The following PCYT1A variants were observed in gnomAD, a reference collection of about 807,000 sequenced individuals.
PCYT1A encodes phosphate cytidylyltransferase 1A, choline.
PCYT1A carries 25 observed loss-of-function variants against 43.7 expected under a neutral mutation model. The observed-to-expected ratio is 0.57, with a 90% CI of 0.42 to 0.80. PCYT1A has a LOEUF of 0.80. Among genes scored for constraint, PCYT1A ranks in the 30% least tolerant of loss-of-function variants. The pLI is 0.00. For missense variants in PCYT1A, 421 were observed against 474.2 expected, an observed-to-expected ratio of 0.89 and a Z score of 1.04; for synonymous variants, 172 against 170.7, an observed-to-expected ratio of 1.01 and a Z score of -0.06.
Position 196,238,397 on chromosome 3 carries a change from A to G in PCYT1A, c.*291T>C, listed in dbSNP as rs948279615. 7.0e-5 allele frequency: 19 copies of G among 271,178 alleles called. No individual in the cohort carries two copies. Among genetic ancestry groups the G allele is most frequent in the Admixed American group, 2.7e-4 (5 of 18,842 alleles). The allele number at this position is 271,178 out of a possible 1,614,324, so 16.8% of individuals were successfully genotyped here. On this transcript the variant is annotated 3_prime_UTR_variant, in exon 9 of 9. Transcript: ENST00000431016. ...TTTTAAAAAATTAATGAAAATGACA[A>G]TTTCCCTGTTGAGATCACGTGAACA... is the stretch of plus-strand genomic sequence containing the variant.
chr3:196,275,687 C>T (rs989407858), intron 1 of PCYT1A, among the ~76,000 whole-genome samples: 3 of 151,308 alleles, frequency 2.0e-5, no homozygotes, highest in African/African-American at 4.9e-5. Context: ...GAGCTGAGAT[C>T]GCACCACTGC....
Position 196,238,702 on chromosome 3 carries a change from C to A in PCYT1A, c.1090G>T (p.Asp364Tyr). ...GGGAGGAAACATTAGTCTTCTTCAT[C>A]CTCACTGATATCATAGGCTGCAGCC... The part of the protein sequence containing the change: ...HKAAAYDISE[D>Y]EED The change falls in exon 9 of 9, where the codon GAT becomes TAT. Residue 364 changes from aspartate (D) to tyrosine (Y), a missense_variant. Physicochemically the swap from Asp to Tyr is radical, Grantham distance 160. Coordinates refer to ENST00000431016, the MANE Select transcript of PCYT1A (RefSeq NM_001312673.2). 1 of 1,554,582 alleles carries A rather than the reference C, an allele frequency of 6.4e-7. No individual in the cohort carries two copies. The highest frequency in any genetic ancestry group is 8.7e-7 in the Non-Finnish European group (1 of 1,150,834).
At position 196,242,152 on chromosome 3, in the gene PCYT1A, T is replaced by A. The variant is rs1724377819; in HGVS notation, c.566-62A>T. On this transcript the variant is annotated intron_variant, in intron 6 of 8. Coordinates refer to ENST00000431016, the MANE Select transcript of PCYT1A (RefSeq NM_001312673.2). This position sits in a 1 kb window ranked among gnomAD's most constrained non-coding sequence, Gnocchi z 4.2. ...TTCTGGTTAGCTCAGGTATTAAGAC[T>A]AAATGGAAATTGGGGGCAACATTCC... 24 of 1,534,784 alleles carry A rather than the reference T, an allele frequency of 1.6e-5. No homozygotes were observed. Among genetic ancestry groups the A allele is most frequent in the Non-Finnish European group, 2.1e-5 (23 of 1,113,034 alleles).
chr3:196,276,323 G>C (rs577508318), intron 1 of PCYT1A, among the ~76,000 whole-genome samples: 2 of 151,772 alleles, frequency 1.3e-5, no homozygotes, highest in Non-Finnish European at 2.9e-5. Context: ...AAAATTAAAG[G>C]CCAGGCACAA....
chr3:196,264,641 G>A (rs934937501), intron 2 of PCYT1A, among the ~76,000 whole-genome samples: 6 of 152,146 alleles, frequency 3.9e-5, no homozygotes, highest in African/African-American at 1.4e-4. Context: ...AGATTGGGAG[G>A]CCTATACTTA....
At chr3:196,275,593 T>G (rs1255183938) in intron 1 of PCYT1A, among the ~76,000 whole-genome samples, 1 of 151,642 alleles carries the variant, frequency 6.6e-6, no homozygotes, top group Non-Finnish European at 1.5e-5. Context: ...AATAGCTGGG[T>G]GTGGTGGCGC....
At chr3:196,258,659 C>T (rs1725017873) in intron 2 of PCYT1A, among the ~76,000 whole-genome samples, 1 of 151,674 alleles carries the variant, frequency 6.6e-6, no homozygotes, top group African/African-American at 2.4e-5. Context: ...GCCATTTCAG[C>T]TCACTGCAAC....
Position 196,242,922 on chromosome 3 carries a change from G to A in PCYT1A, c.487-282C>T, listed in dbSNP as rs1200321948. 13 of 429,070 alleles carry A rather than the reference G, an allele frequency of 3.0e-5. No individual in the cohort carries two copies. The highest frequency in any genetic ancestry group is 2.3e-4 in the East Asian group (5 of 22,108). 26.6% of individuals were successfully genotyped at this position (429,070 alleles called of 1,614,324 possible). On this transcript the variant is annotated intron_variant, in intron 5 of 8. Transcript: ENST00000431016. The surrounding 1 kb of genome is among the most constrained non-coding windows in gnomAD (Gnocchi z 4.2). ...TCTGTATACCAGTCATCTTGCTGTG[G>A]TCAATAGGGCCAGAGGGTTTGCTGG...
In PCYT1A at chr3:196,235,298, T is replaced by G. The variant is rs1474499434; in HGVS notation, c.*3390A>C. 6.6e-6 allele frequency: 1 copy of G among 152,084 alleles called. No individual in the cohort carries two copies. The highest frequency in any genetic ancestry group is 2.4e-5 in the African/African-American group (1 of 41,360). The allele number at this position is 152,084 out of a possible 1,614,324, so 9.4% of individuals were successfully genotyped here. A position where few individuals can be genotyped will look rare whatever the true frequency, so the allele number is the denominator to read the frequency against. ...AGGTGCAGCCCCCCAAAAACCACCATCACTCAGGTACAGCCTCCAAAAACA... is the reference window on the plus strand; with the variant it reads ...AGGTGCAGCCCCCCAAAAACCACCAGCACTCAGGTACAGCCTCCAAAAACA... On this transcript the variant is annotated 3_prime_UTR_variant, in exon 9 of 9. Transcript: ENST00000431016. This position sits in a 1 kb window ranked among gnomAD's most constrained non-coding sequence, Gnocchi z 4.3.
chr3:196,261,872 C>G (rs12634587), intron 2 of PCYT1A, among the ~76,000 whole-genome samples: 35,740 of 151,926 alleles, frequency 0.24, 5,848 homozygotes, highest in East Asian at 0.76. Context: ...GTGTATATTT[C>G]CAGGTAGAAG....
intron 2 of PCYT1A, among the ~76,000 whole-genome samples, chr3:196,262,341 A>C (rs1389387920): frequency 6.6e-6 from 1 of 152,206 alleles, no homozygotes; most frequent in Non-Finnish European, 1.5e-5. Context: ...CTGCCCTACA[A>C]GTTTACTATG....
rs1724387062 is a variant in PCYT1A at position 196,242,421 on chromosome 3, C to A, written c.565+141G>T. On this transcript the variant is annotated intron_variant, in intron 6 of 8. Coordinates refer to ENST00000431016, the MANE Select transcript of PCYT1A (RefSeq NM_001312673.2). This position sits in a 1 kb window ranked among gnomAD's most constrained non-coding sequence, Gnocchi z 4.2. ...AAGAATTGATGGGTGCTATGCTCATCTTTACCTTTTATCCAAAATGTGGCC... is the reference window on the plus strand; with the variant it reads ...AAGAATTGATGGGTGCTATGCTCATATTTACCTTTTATCCAAAATGTGGCC... The A allele has an allele frequency of 2.7e-6, 2 of 739,850 alleles. No individual in the cohort carries two copies. Among genetic ancestry groups the A allele is most frequent in the Non-Finnish European group, 5.0e-6 (2 of 401,618 alleles). 45.8% of individuals were successfully genotyped at this position (739,850 alleles called of 1,614,324 possible). A position where few individuals can be genotyped will look rare whatever the true frequency, so the allele number is the denominator to read the frequency against.
intron 8 of PCYT1A, 127 bp downstream of exon 8, chr3:196,239,418 GAT>G (rs1724284065): frequency 5.2e-6 from 3 of 578,246 alleles, no homozygotes; most frequent in East Asian, 5.5e-5. Context: ...ACAGTTGAAA[GAT>G]AGTTCTGCCC....
At position 196,236,391 on chromosome 3, in the gene PCYT1A, A is replaced by G. The variant is rs1724164896; in HGVS notation, c.*2297T>C. On this transcript the variant is annotated 3_prime_UTR_variant, in exon 9 of 9. Transcript: ENST00000431016. ...TCCCAAAGAGAGAAGGCTGACGCAG[A>G]AAAGTTCAAAGATGAGACTATGTAA... 1 of 152,290 alleles carries G rather than the reference A, an allele frequency of 6.6e-6. No homozygotes were observed. Among genetic ancestry groups the G allele is most frequent in the Admixed American group, 6.5e-5 (1 of 15,294 alleles). 9.4% of individuals were successfully genotyped at this position (152,290 alleles called of 1,614,324 possible). A position where few individuals can be genotyped will look rare whatever the true frequency, so the allele number is the denominator to read the frequency against.
intron 2 of PCYT1A, among the ~76,000 whole-genome samples, chr3:196,265,069 A>T (rs1258792848): frequency 6.6e-6 from 1 of 151,044 alleles, no homozygotes; most frequent in African/African-American, 2.4e-5. Context: ...TTATTTATTT[A>T]TTTATTTTTT....
rs1196556075 is a variant in PCYT1A at position 196,273,216 on chromosome 3, A to C, written c.-10-2675T>G. Among the ~76,000 whole-genome samples, 2 of 152,200 alleles carry C rather than the reference A, an allele frequency of 1.3e-5. No homozygotes were observed. Among genetic ancestry groups the C allele is most frequent in the Non-Finnish European group, 2.9e-5 (2 of 68,030 alleles). On this transcript the variant is annotated intron_variant, in intron 1 of 8. Transcript: ENST00000431016. This position sits in a 1 kb window ranked among gnomAD's most constrained non-coding sequence, Gnocchi z 4.1. ...GGCCAGGAACCACAGAGCTCCAAAGAGGGTGTCACAGCCCTGGCTCAAGGA... is the reference window on the plus strand; with the variant it reads ...GGCCAGGAACCACAGAGCTCCAAAGCGGGTGTCACAGCCCTGGCTCAAGGA...
intron 8 of PCYT1A, 51 bp from the exon 9 acceptor site, chr3:196,238,945 T>A: frequency 8.6e-7 from 1 of 1,160,712 alleles, no homozygotes; most frequent in African/African-American, 1.6e-5. Context: ...TCCTACTTAA[T>A]CATCACTGAA....
intron 1 of PCYT1A, among the ~76,000 whole-genome samples, chr3:196,276,247 G>A (rs1725587977): frequency 6.6e-6 from 1 of 152,122 alleles, no homozygotes; most frequent in African/African-American, 2.4e-5. Flanking sequence ...CATTCCACAT[G>A]TAAACATATA....
intron 1 of PCYT1A, among the ~76,000 whole-genome samples, chr3:196,285,249 G>A (rs1230843899): frequency 1.3e-5 from 2 of 152,072 alleles, no homozygotes; most frequent in East Asian, 1.9e-4. Flanking sequence ...ACCTAAGCTC[G>A]GAAGTTTGAG....
Sources: allele counts gnomAD v4.1 joint callset (sites outside exome capture counted in the v4.1 genomes callset), GRCh38; gene constraint gnomAD v4.1.1; non-coding constraint Gnocchi (gnomAD v3.1); transcripts MANE v1.5; gene names NCBI Gene and HGNC (gene_info 2026-07-23, HGNC 2026-07-21).